The following PIGG variants were observed in gnomAD, a reference collection of about 807,000 sequenced individuals.
PIGG encodes phosphatidylinositol glycan anchor biosynthesis class G (EMM blood group), also known as GPI ethanolamine phosphate transferase 2, catalytic subunit.
In PIGG, 70 loss-of-function variants were observed where a neutral mutation model predicts 83.2. The observed-to-expected ratio is 0.84, with a 90% confidence interval of 0.69 to 1.03. PIGG has a LOEUF of 1.03. Among genes scored for constraint, PIGG ranks in the 50% least tolerant of loss-of-function variants. The pLI, the probability that PIGG is intolerant of heterozygous loss-of-function variation, is 0.00. For missense variants in PIGG, 1,257 were observed against 1,233.6 expected, an observed-to-expected ratio of 1.02 and a Z score of -0.28; for synonymous variants, 532 against 519.5, an observed-to-expected ratio of 1.02 and a Z score of -0.33.
rs1223908270 is a variant in PIGG, at chr4:515,998, C to T, written c.927C>T (p.Val309=). Residue 309 remains valine, a synonymous_variant, in exon 6 of 13, where the codon GTC becomes GTT. Coordinates refer to ENST00000453061, the MANE Select transcript of PIGG (RefSeq NM_001127178.3). The surrounding 1 kb of genome is among the most constrained non-coding windows in gnomAD (Gnocchi z 4.2). ...GTGATATCCGACATCCAAAGCACGT[C>T]CAACAGACGGATGTGGCTGCGACAC... ...KPGDIRHPKH[V]QQTDVAATLA... 31 of 1,614,050 alleles carry T rather than the reference C, an allele frequency of 1.9e-5. No individual in the cohort carries two copies. Among genetic ancestry groups the T allele is most frequent in the Non-Finnish European group, 2.5e-5 (30 of 1,179,986 alleles).
At chr4:509,186 T>C (rs1342277843) in intron 5 of PIGG, among the ~76,000 whole-genome samples, 2 of 152,220 alleles carry the variant, frequency 1.3e-5, no homozygotes, top group African/African-American at 2.4e-5. Flanking sequence ...CAGAATTTTG[T>C]TGTATGAATG....
chr4:523,038 G>A (rs551339868), intron 8 of PIGG, among the ~76,000 whole-genome samples: 15 of 152,280 alleles, frequency 9.9e-5, no homozygotes, highest in African/African-American at 3.4e-4. Flanking sequence ...CACTGGCGAC[G>A]TGCATCTGAA....
chr4:534,074 T>C, intron 12 of PIGG, 93 bp downstream of exon 12: 2 of 1,034,808 alleles, frequency 1.9e-6, no homozygotes, highest in Non-Finnish European at 2.9e-6. Context: ...GGGTCTAAGC[T>C]CCATGGGTCC....
chr4:535,197 G>A (rs1296368944), intron 12 of PIGG, among the ~76,000 whole-genome samples: 1 of 152,210 alleles, frequency 6.6e-6, no homozygotes, highest in Non-Finnish European at 1.5e-5. Flanking sequence ...AGAGACCCCA[G>A]GGCCTGCAAA....
At chr4:517,349 G>C (rs1724266256) in intron 6 of PIGG, among the ~76,000 whole-genome samples, 2 of 152,144 alleles carry the variant, frequency 1.3e-5, no homozygotes. Context: ...ATGAAGACAG[G>C]ATTTGCTCAC....
At chr4:510,669 G>T (rs1303528336) in intron 5 of PIGG, among the ~76,000 whole-genome samples, 1 of 152,210 alleles carries the variant, frequency 6.6e-6, no homozygotes, top group Non-Finnish European at 1.5e-5. Context: ...CTGAGAGTTG[G>T]TTCTGTTTTG....
chr4:510,271 G>A lies in PIGG; in HGVS notation c.901+1301G>A, dbSNP rs782392267. 1.2e-3 allele frequency among the ~76,000 whole-genome samples: 180 copies of A among 152,214 alleles called. 4 individuals are homozygous for A. The highest frequency in any genetic ancestry group is 3.7e-4 in the Non-Finnish European group (25 of 68,032). ...AAAAGTATCCCTTATGGGAAACGAA[G>A]GGATGGGCTGAATTAAAGGAATAGA... On this transcript the variant is annotated intron_variant, in intron 5 of 12. Transcript: ENST00000453061.
chr4:537,064 T>C (rs1165305731), intron 12 of PIGG: 1 of 152,248 alleles, frequency 6.6e-6, no homozygotes, highest in East Asian at 1.9e-4. Context: ...GAGAGTATCA[T>C]GATATTTTTC....
At chr4:516,258 T>G (rs894229178) in intron 6 of PIGG, 73 bp downstream of exon 6, 3 of 953,480 alleles carry the variant, frequency 3.1e-6, no homozygotes, top group Non-Finnish European at 5.1e-6. Context: ...TCCGATGTGT[T>G]TCTGTGGTAT....
Position 539,903 on chromosome 4 carries a change from TC to T in PIGG, c.*535del, listed in dbSNP as rs1430333625. ...ACTATATTTTCCAAAACAAAAAAAT[TC>T]AGTGAGACCCAGCACTTTGGGAGGC... On this transcript the variant is annotated 3_prime_UTR_variant, in exon 13 of 13. Coordinates refer to ENST00000453061, the MANE Select transcript of PIGG (RefSeq NM_001127178.3). 2 of 152,350 alleles carry T rather than the reference TC, an allele frequency of 1.3e-5. No individual in the cohort carries two copies. Among genetic ancestry groups the T allele is most frequent in the African/African-American group, 4.8e-5 (2 of 41,386 alleles). 9.4% of individuals were successfully genotyped at this position (152,350 alleles called of 1,614,324 possible).
chr4:539,233 C>T lies in PIGG; in HGVS notation c.2816C>T (p.Thr939Ile), dbSNP rs753341587. The T allele has an allele frequency of 6.2e-6, 10 of 1,612,280 alleles. No individual in the cohort carries two copies. Among genetic ancestry groups the T allele is most frequent in the Non-Finnish European group, 8.5e-6 (10 of 1,178,282 alleles). ...GTTTTCACGTACATCGTTTTGGTGA[C>T]ATCTCTGCGTTATCATTTATTTATA... ...IPVFTYIVLVTSLRYHLFIWS... is the reference protein window; with the variant it reads ...IPVFTYIVLVISLRYHLFIWS... The change falls in exon 13 of 13, where the codon ACA becomes ATA. Residue 939 changes from threonine (T) to isoleucine (I), a missense_variant. Thr to Ile is a moderately conservative substitution (Grantham distance 89, BLOSUM62 -1). Coordinates refer to ENST00000453061, the MANE Select transcript of PIGG (RefSeq NM_001127178.3).
chr4:533,279 G>A (rs11723021), intron 11 of PIGG: 149 of 158,776 alleles, frequency 9.4e-4, no homozygotes, highest in Admixed American at 1.6e-3. Context: ...ACCAGGGGCT[G>A]TGCTCCCCCA....
intron 11 of PIGG, chr4:532,574 G>C (rs1344494318): frequency 6.6e-6 from 1 of 152,356 alleles, no homozygotes; most frequent in East Asian, 1.9e-4. Context: ...AAAGGGCTGG[G>C]GCCTAAGACA....
Position 523,952 on chromosome 4 carries a change from A to G in PIGG, c.2069+39A>G, listed in dbSNP as rs556074596. ...CCCGTGGCCACAGGCCAGACTTTCTACGGCCGATTGGTCACCTGCCAAGCT... is the reference window on the plus strand; with the variant it reads ...CCCGTGGCCACAGGCCAGACTTTCTGCGGCCGATTGGTCACCTGCCAAGCT... On this transcript the variant is annotated intron_variant, in intron 9 of 12. Coordinates refer to ENST00000453061, the MANE Select transcript of PIGG (RefSeq NM_001127178.3). The G allele has an allele frequency of 4.8e-4, 629 of 1,320,860 alleles. 2 individuals carry two copies. In the Middle Eastern group the frequency reaches 5.6e-3, roughly 12 times the overall value. 81.8% of individuals were successfully genotyped at this position (1,320,860 alleles called of 1,614,324 possible). A position where few individuals can be genotyped will look rare whatever the true frequency, so the allele number is the denominator to read the frequency against.
intron 12 of PIGG, 62 bp from the exon 13 acceptor site, chr4:539,091 G>T: frequency 9.4e-7 from 1 of 1,063,318 alleles, no homozygotes; most frequent in East Asian, 2.4e-5. Flanking sequence ...AAATAAAAGT[G>T]TTGTTACATG....
chr4:523,439 G>A lies in PIGG; in HGVS notation c.1615-20G>A. 1 of 1,557,342 alleles carries A rather than the reference G, an allele frequency of 6.4e-7. No homozygotes were observed. Among genetic ancestry groups the A allele is most frequent in the East Asian group, 2.3e-5 (1 of 44,392 alleles). On this transcript the variant is annotated intron_variant, in intron 8 of 12. Transcript: ENST00000453061. ...TCGTTATCAGACCGTCTCTTACAAA[G>A]TGCACTTTCCTTTTCACAGAACCCC...
chr4:516,944 G>A lies in PIGG; in HGVS notation c.1114+759G>A, dbSNP rs571762678. ...GGGGAGCCACTGGGGCAGGCTGGCC[G>A]CTGGCCATCTGGGAGGGCACATTAC... On this transcript the variant is annotated intron_variant, in intron 6 of 12. Coordinates refer to ENST00000453061, the MANE Select transcript of PIGG (RefSeq NM_001127178.3). Among the ~76,000 whole-genome samples the A allele has an allele frequency of 1.6e-4, 24 of 151,888 alleles. No individual in the cohort carries two copies. The South Asian group carries it at 4.2e-3, about 26-fold the overall frequency.
rs367690061 is a variant in PIGG, at chr4:514,706, C to T, written c.902-1267C>T. ...CTGTAAAATGACTTCTTAGGTCTTA[C>T]ATCTGTACTTTCTTCTTCCTAAGTT... On this transcript the variant is annotated intron_variant, in intron 5 of 12. Coordinates refer to ENST00000453061, the MANE Select transcript of PIGG (RefSeq NM_001127178.3). 8.5e-5 allele frequency among the ~76,000 whole-genome samples: 13 copies of T among 152,308 alleles called. No homozygotes were observed. In the South Asian group the frequency reaches 1.9e-3, roughly 22 times the overall value.
intron 1 of PIGG, chr4:499,977 A>G (rs1194781448): frequency 4.3e-6 from 1 of 233,342 alleles, no homozygotes; most frequent in African/African-American, 2.3e-5. Context: ...ACCCAGCCAT[A>G]TACAGCAAGT....
Sources: gnomAD v4.1 joint callset for allele counts (sites outside exome capture counted in the v4.1 genomes callset) on GRCh38, gnomAD v4.1.1 for gene constraint, Gnocchi (gnomAD v3.1) non-coding constraint, MANE v1.5 for transcripts, NCBI Gene and HGNC (gene_info 2026-07-23, HGNC 2026-07-21) for gene names.